RIPOR2: variants seen among roughly 807,000 people sequenced by gnomAD.
The protein encoded by RIPOR2 is RHO family interacting cell polarization regulator 2.
Under a neutral mutation model 114.5 loss-of-function variants are expected in RIPOR2, and 39 were observed. The ratio of observed to expected loss-of-function variants is 0.34; its 90% confidence interval spans 0.26 to 0.44. The LOEUF is 0.44. Ranked by LOEUF, RIPOR2 falls within the 20% of genes least tolerant of loss-of-function variation. The pLI is 1.00. For missense variants in RIPOR2, 1,007 were observed against 1,255.1 expected (o/e 0.80, Z 2.99); for synonymous variants, 445 against 484.4 (o/e 0.92, Z 1.07).
At chr6:24,807,917 A>T (rs1324207175) in intron 21 of RIPOR2, among the ~76,000 whole-genome samples, 1 of 152,156 alleles carries the variant, frequency 6.6e-6, no homozygotes, top group Non-Finnish European at 1.5e-5. Flanking sequence ...TAAGAGAAAA[A>T]TGTGCCAGTA....
At chr6:24,854,674 T>C (rs980040811) in intron 8 of RIPOR2, among the ~76,000 whole-genome samples, 3 of 152,148 alleles carry the variant, frequency 2.0e-5, no homozygotes, top group African/African-American at 7.2e-5. Flanking sequence ...GGTAAAAATC[T>C]TCATCCTTTA....
intron 21 of RIPOR2, among the ~76,000 whole-genome samples, chr6:24,807,820 G>A (rs573075164): frequency 4.6e-5 from 7 of 152,242 alleles, no homozygotes; most frequent in African/African-American, 1.2e-4. Context: ...TTAAGTGCCC[G>A]CAATGACCTT....
chr6:25,003,423 T>C (rs9295643), intron 1 of RIPOR2, among the ~76,000 whole-genome samples: 56,035 of 137,616 alleles, frequency 0.41, 12,265 homozygotes, highest in East Asian at 0.49. Flanking sequence ...TTATTATTAT[T>C]ATCATCTCCT....
intron 1 of RIPOR2, among the ~76,000 whole-genome samples, chr6:25,019,052 C>G: frequency 6.6e-6 from 1 of 152,114 alleles, no homozygotes; most frequent in East Asian, 1.9e-4. Context: ...AATATGTGAT[C>G]AATCTCTTTA....
In RIPOR2 at chr6:24,811,671, TTTTTCTTTTTTTTTTTTTTA is replaced by T. The variant is rs1293285884; in HGVS notation, c.2953-1884_2953-1865del. 2.7e-3 allele frequency among the ~76,000 whole-genome samples: 12 copies of T among 4,428 alleles called. 4 individuals are homozygous for T. Among genetic ancestry groups the T allele is most frequent in the Admixed American group, 0.019 (2 of 104 alleles). The allele number at this position is 4,428 out of a possible 152,430, so 2.9% of individuals were successfully genotyped here. On this transcript the variant is annotated intron_variant, in intron 20 of 21. Transcript: ENST00000643898. Reference sequence around the variant, plus strand: ...TTCGTTTAGTACTTTTTTTTTTTTTTTTTTCTTTTTTTTTTTTTTAATTATACTCTAAGTTTTAGGGTACA... The same window carrying T: ...TTCGTTTAGTACTTTTTTTTTTTTTTATTATACTCTAAGTTTTAGGGTACA...
chr6:24,872,095 C>A (rs972001520), intron 4 of RIPOR2, among the ~76,000 whole-genome samples: 19 of 152,180 alleles, frequency 1.2e-4, no homozygotes, highest in Admixed American at 1.0e-3. Context: ...GTTGAGTTTT[C>A]TTGGGCTGAT....
intron 1 of RIPOR2, chr6:24,910,825 C>T (rs1769494158): frequency 1.0e-6 from 1 of 985,456 alleles, no homozygotes; most frequent in Non-Finnish European, 1.2e-6. Context: ...TACCTAACGA[C>T]GACGGCTCCT....
intron 20 of RIPOR2, among the ~76,000 whole-genome samples, chr6:24,817,763 C>G (rs1759287557): frequency 6.6e-6 from 1 of 152,102 alleles, no homozygotes; most frequent in East Asian, 1.9e-4. Flanking sequence ...TCCCTGCTCA[C>G]GACACCTCCT....
intron 1 of RIPOR2, among the ~76,000 whole-genome samples, chr6:24,959,660 C>G (rs1024381921): frequency 1.3e-5 from 2 of 152,202 alleles, no homozygotes; most frequent in Admixed American, 1.3e-4. Context: ...CATTCATCCT[C>G]CTCAGCTAAA....
At chr6:25,015,998 G>T (rs1208686659) in intron 1 of RIPOR2, among the ~76,000 whole-genome samples, 1 of 147,112 alleles carries the variant, frequency 6.8e-6, no homozygotes, top group East Asian at 2.0e-4. Context: ...CCACCTCCTG[G>T]GTTCAAGCCA....
intron 1 of RIPOR2, among the ~76,000 whole-genome samples, chr6:24,965,465 C>A (rs1180960065): frequency 6.6e-6 from 1 of 152,288 alleles, no homozygotes; most frequent in South Asian, 2.1e-4. Context: ...CTTTATTTTT[C>A]ATTTCCAGAA....
intron 1 of RIPOR2, among the ~76,000 whole-genome samples, chr6:24,917,679 A>G (rs1387241301): frequency 1.3e-5 from 2 of 152,104 alleles, no homozygotes; most frequent in Non-Finnish European, 2.9e-5. Context: ...ACAGGCGCGT[A>G]CCACCAGGCC....
chr6:24,892,205 T>G (rs1767433654), intron 1 of RIPOR2, among the ~76,000 whole-genome samples: 1 of 152,150 alleles, frequency 6.6e-6, no homozygotes, highest in South Asian at 2.1e-4. Flanking sequence ...GACTCCCGTC[T>G]CCCCTAATGC....
intron 1 of RIPOR2, among the ~76,000 whole-genome samples, chr6:24,951,501 C>G (rs564014574): frequency 6.6e-6 from 1 of 152,190 alleles, no homozygotes; most frequent in Non-Finnish European, 1.5e-5. Context: ...TCAAAAGCAG[C>G]TTAAAGAGAA....
At chr6:24,978,019 G>A (rs568835170) in intron 1 of RIPOR2, among the ~76,000 whole-genome samples, 1 of 152,320 alleles carries the variant, frequency 6.6e-6, no homozygotes, top group South Asian at 2.1e-4. Flanking sequence ...CTGTTAAGCT[G>A]TGTGAATTGA....
At chr6:24,829,860 A>C (rs1195085063) in intron 17 of RIPOR2, among the ~76,000 whole-genome samples, 1 of 152,162 alleles carries the variant, frequency 6.6e-6, no homozygotes, top group Non-Finnish European at 1.5e-5. Context: ...TTTAGTAGAA[A>C]CTGCCAAACA....
At chr6:24,833,440 G>T (rs970641757) in intron 15 of RIPOR2, among the ~76,000 whole-genome samples, 12 of 152,122 alleles carry the variant, frequency 7.9e-5, no homozygotes, top group Non-Finnish European at 1.8e-4. Flanking sequence ...GGCGGAGGCT[G>T]CAGTGAGCCA....
intron 1 of RIPOR2, among the ~76,000 whole-genome samples, chr6:24,935,267 C>A (rs367665873): frequency 1.1e-4 from 16 of 144,054 alleles, no homozygotes; most frequent in African/African-American, 4.2e-4. Flanking sequence ...GAGATTGCAC[C>A]ACTGCACTCC....
At chr6:24,849,407 A>G (rs1308752803) in intron 11 of RIPOR2, among the ~76,000 whole-genome samples, 1 of 152,246 alleles carries the variant, frequency 6.6e-6, no homozygotes, top group African/African-American at 2.4e-5. Flanking sequence ...AGCATCCGTG[A>G]GAATCAGGAT....
Sources: allele counts gnomAD v4.1 joint callset (sites outside exome capture counted in the v4.1 genomes callset), GRCh38; gene constraint gnomAD v4.1.1; transcripts MANE v1.5; gene names NCBI Gene and HGNC (gene_info 2026-07-23, HGNC 2026-07-21).